ARID1B: variants seen among roughly 807,000 people sequenced by gnomAD.
ARID1B encodes the protein AT-rich interactive domain-containing protein 1B.
In ARID1B, 30 loss-of-function variants were observed where a neutral mutation model predicts 212.3. The observed-to-expected ratio is 0.14, with a 90% CI of 0.11 to 0.19. The LOEUF (loss-of-function observed/expected upper bound fraction) is 0.19, where lower values mean the gene tolerates loss of function less well. ARID1B is among the 10% of genes least tolerant of loss of function. The pLI, the probability that ARID1B is intolerant of heterozygous loss-of-function variation, is 1.00. For synonymous variants in ARID1B, 1,402 were observed against 1,301.7 expected, an observed-to-expected ratio of 1.08 and a Z score of -1.66; for missense variants, 2,891 against 3,204.0, an observed-to-expected ratio of 0.90 and a Z score of 2.36.
chr6:157,185,902 T>A (rs1378367311), intron 13 of ARID1B: 1 of 152,304 alleles, frequency 6.6e-6, no homozygotes, highest in Non-Finnish European at 1.5e-5. Context: ...CCTTAAAGAT[T>A]CAAAGGCTTT....
intron 8 of ARID1B, chr6:157,150,235 G>A (rs1295563637): frequency 6.6e-6 from 1 of 152,224 alleles, no homozygotes; most frequent in Non-Finnish European, 1.5e-5. Flanking sequence ...GACCTCAGAA[G>A]ATAGCCACAG....
intron 1 of ARID1B, among the ~76,000 whole-genome samples, chr6:156,808,171 G>C (rs1398131224): frequency 6.6e-6 from 1 of 152,196 alleles, no homozygotes; most frequent in Non-Finnish European, 1.5e-5. Context: ...ATTGAGAGAT[G>C]AGAGCGTTTC....
At chr6:157,137,299 TAC>T (rs1788994744) in intron 7 of ARID1B, among the ~76,000 whole-genome samples, 1 of 152,222 alleles carries the variant, frequency 6.6e-6, no homozygotes, top group South Asian at 2.1e-4. Flanking sequence ...TGTGTAAAAA[TAC>T]TTAATTACAG....
At chr6:156,853,506 T>C (rs1186797787) in intron 2 of ARID1B, among the ~76,000 whole-genome samples, 1 of 151,926 alleles carries the variant, frequency 6.6e-6, no homozygotes, top group Non-Finnish European at 1.5e-5. Context: ...GGTGCTTTTT[T>C]CTCCTCCCAC....
intron 2 of ARID1B, among the ~76,000 whole-genome samples, chr6:156,878,578 G>T (rs1385733426): frequency 6.6e-6 from 1 of 152,220 alleles, no homozygotes; most frequent in Non-Finnish European, 1.5e-5. Flanking sequence ...ATGTGCATCT[G>T]ATTGGCTGGG....
At chr6:156,913,510 C>T (rs1790080975) in intron 3 of ARID1B, among the ~76,000 whole-genome samples, 1 of 152,136 alleles carries the variant, frequency 6.6e-6, no homozygotes, top group Non-Finnish European at 1.5e-5. Flanking sequence ...AGCCACCTCA[C>T]CTGGCAACAT....
intron 5 of ARID1B, among the ~76,000 whole-genome samples, chr6:157,096,054 C>T (rs1000283641): frequency 2.0e-5 from 3 of 152,272 alleles, no homozygotes; most frequent in African/African-American, 7.2e-5. Flanking sequence ...TGTGATTTAT[C>T]CTTTCTGCCT....
chr6:156,913,390 T>A (rs1314762744), intron 3 of ARID1B, among the ~76,000 whole-genome samples: 1 of 151,870 alleles, frequency 6.6e-6, no homozygotes, highest in African/African-American at 2.4e-5. Flanking sequence ...CAAATTTTTT[T>A]ATATTTTTAG....
chr6:156,916,526 C>T (rs1790370289), intron 3 of ARID1B, among the ~76,000 whole-genome samples: 1 of 152,088 alleles, frequency 6.6e-6, no homozygotes, highest in South Asian at 2.1e-4. Context: ...AGCTTACTTC[C>T]TCAGACTTCA....
At chr6:156,822,705 C>G (rs1782440755) in intron 1 of ARID1B, among the ~76,000 whole-genome samples, 1 of 152,176 alleles carries the variant, frequency 6.6e-6, no homozygotes, top group African/African-American at 2.4e-5. Flanking sequence ...TTACTTGTGT[C>G]TTCTGCAGGT....
intron 1 of ARID1B, among the ~76,000 whole-genome samples, chr6:156,798,843 GTTGTTAA>G (rs964063471): frequency 1.3e-5 from 2 of 152,194 alleles, no homozygotes; most frequent in Non-Finnish European, 2.9e-5. Flanking sequence ...ATGAGTAAAT[GTTGTTAA>G]TTGTACATTT....
intron 5 of ARID1B, among the ~76,000 whole-genome samples, chr6:157,099,105 A>G (rs1785875058): frequency 6.6e-6 from 1 of 152,146 alleles, no homozygotes; most frequent in Non-Finnish European, 1.5e-5. Flanking sequence ...CAGGGATTAC[A>G]GGTGCCCACC....
chr6:156,858,753 A>G (rs982289729), intron 2 of ARID1B, among the ~76,000 whole-genome samples: 3 of 152,224 alleles, frequency 2.0e-5, no homozygotes, highest in East Asian at 3.8e-4. Context: ...TGGGTAACAC[A>G]GTAAGACTCT....
intron 4 of ARID1B, among the ~76,000 whole-genome samples, chr6:156,973,324 T>C (rs1397738830): frequency 3.3e-5 from 5 of 152,198 alleles, no homozygotes; most frequent in Non-Finnish European, 7.4e-5. Flanking sequence ...TGTGCTGGTG[T>C]ACGCATACGT....
At chr6:157,162,395 T>C (rs536420358) in intron 8 of ARID1B, among the ~76,000 whole-genome samples, 413 of 152,316 alleles carry the variant, frequency 2.7e-3, no homozygotes, top group Non-Finnish European at 4.2e-3. Flanking sequence ...TGCTTTGGGC[T>C]TTTTTCCCCA....
chr6:157,167,055 C>T lies in ARID1B; in HGVS notation c.3105C>T (p.Pro1035=), dbSNP rs144894118. 325 of 1,611,746 alleles carry T rather than the reference C, an allele frequency of 2.0e-4. 1 individual carries two copies. In the African/African-American group the frequency reaches 3.1e-3, roughly 16 times the overall value. The change falls in exon 9 of 20, where the codon CCC becomes CCT. Residue 1035 remains proline (P), a synonymous_variant. Coordinates refer to ENST00000636930, the MANE Select transcript of ARID1B (RefSeq NM_001374828.1). ...CTTCCTGTAGGCAAGGCAGTTTCCC[C>T]GGCATGAACCAGAGTGGACTTATGG... ...NSAQSRQGSF[P]GMNQSGLMAS...
At chr6:156,888,713 T>A (rs1427728811) in intron 2 of ARID1B, among the ~76,000 whole-genome samples, 1 of 152,186 alleles carries the variant, frequency 6.6e-6, no homozygotes. Context: ...CAGGCCTTTT[T>A]ATTTTCTAGG....
At position 156,829,316 on chromosome 6, in the gene ARID1B, G is replaced by T. The variant is rs142939952; in HGVS notation, c.1881G>T (p.Pro627=). The change falls in exon 2 of 20, where the codon CCG becomes CCT. Residue 627 remains proline (P), a synonymous_variant. Transcript: ENST00000636930. The part of the protein sequence containing the change: ...NPHSQPQQSS[P]YPGGSYGPPG... ...ATTCTCAGCCTCAGCAGAGCAGTCCGTACCCAGGAGGTTCCTATGGCCCTC... is the reference window on the plus strand; with the variant it reads ...ATTCTCAGCCTCAGCAGAGCAGTCCTTACCCAGGAGGTTCCTATGGCCCTC... 23 of 1,614,100 alleles carry T rather than the reference G, an allele frequency of 1.4e-5. No individual in the cohort carries two copies. The highest frequency in any genetic ancestry group is 1.9e-5 in the Non-Finnish European group (22 of 1,180,034).
chr6:156,921,909 T>G (rs1790837155), intron 3 of ARID1B, among the ~76,000 whole-genome samples: 1 of 152,200 alleles, frequency 6.6e-6, no homozygotes, highest in Non-Finnish European at 1.5e-5. Flanking sequence ...CCATAGGCAT[T>G]TCACAGAGAA....
Sources: gnomAD v4.1 joint callset for allele counts (sites outside exome capture counted in the v4.1 genomes callset) on GRCh38, gnomAD v4.1.1 for gene constraint, MANE v1.5 for transcripts, NCBI Gene and HGNC (gene_info 2026-07-23, HGNC 2026-07-21) for gene names.